Variants in PYGB observed in about 807,000 individuals in gnomAD.
The protein encoded by PYGB is glycogen phosphorylase B, also known as glycogen phosphorylase, brain form.
Under a neutral mutation model 94.3 loss-of-function variants are expected in PYGB, and 82 were observed. That is an observed-to-expected ratio of 0.87 (90% CI 0.73 to 1.04). PYGB has a LOEUF of 1.04. PYGB is among the 50% of genes least tolerant of loss of function. PYGB has a pLI of 0.00. For missense variants in PYGB, 1,132 were observed against 1,158.2 expected, an observed-to-expected ratio of 0.98 and a Z score of 0.33; for synonymous variants, 488 against 479.1, an observed-to-expected ratio of 1.02 and a Z score of -0.24.
At chr20:25,293,126 TC>T (rs1301255491) in intron 17 of PYGB, among the ~76,000 whole-genome samples, 5 of 1,592 alleles carry the variant, frequency 3.1e-3, no homozygotes, top group African/African-American at 0.022. Flanking sequence ...TAGGCCAGGG[TC>T]GGGGGGGGTG....
Position 25,294,266 on chromosome 20 carries a change from C to T in PYGB, c.2286C>T (p.Ile762=), listed in dbSNP as rs199570469. 3.0e-5 allele frequency: 42 copies of T among 1,396,018 alleles called. No homozygotes were observed. Among genetic ancestry groups the T allele is most frequent in the Middle Eastern group, 2.0e-4 (1 of 4,998 alleles). The allele number at this position is 1,396,018 out of a possible 1,614,324, so 86.5% of individuals were successfully genotyped here. A position where few individuals can be genotyped will look rare whatever the true frequency, so the allele number is the denominator to read the frequency against. ...AGGAGCCAGACTGCTTCAAGGACAT[C>T]GTGAACATGCTGATGCACCATGACA... is the stretch of plus-strand genomic sequence containing the variant. ...SPKEPDCFKD[I]VNMLMHHDRF... The change falls in exon 18 of 20, where the codon ATC becomes ATT. Residue 762 remains isoleucine (I), a synonymous_variant. Transcript: ENST00000216962.
intron 17 of PYGB, 72 bp from the exon 18 acceptor site, chr20:25,294,086 C>T: frequency 1.3e-6 from 2 of 1,577,370 alleles, no homozygotes; most frequent in South Asian, 2.3e-5. Context: ...GTGCCAGGCA[C>T]CAACATGGCT....
At position 25,296,591 on chromosome 20, in the gene PYGB, C is replaced by A; in HGVS notation, c.*69C>A. 3 of 1,538,744 alleles carry A rather than the reference C, an allele frequency of 1.9e-6. No individual in the cohort carries two copies. The highest frequency in any genetic ancestry group is 2.6e-6 in the Non-Finnish European group (3 of 1,141,656). On this transcript the variant is annotated 3_prime_UTR_variant, in exon 20 of 20. Transcript: ENST00000216962. ...CTGACTTTGCACCTCCTTTTTTCCCCAAACACTTTGCCAGCCACTGGTGGT... is the reference window on the plus strand; with the variant it reads ...CTGACTTTGCACCTCCTTTTTTCCCAAAACACTTTGCCAGCCACTGGTGGT...
chr20:25,249,810 A>G (rs2092882445), intron 1 of PYGB, among the ~76,000 whole-genome samples: 2 of 151,948 alleles, frequency 1.3e-5, no homozygotes, highest in South Asian at 2.1e-4. Flanking sequence ...TGGCTCCCCC[A>G]GAATTCCCTG....
chr20:25,279,049 A>T lies in PYGB; in HGVS notation c.1000-8A>T, dbSNP rs200513857. 3.1e-6 allele frequency: 5 copies of T among 1,608,592 alleles called. No individual in the cohort carries two copies. The highest frequency in any genetic ancestry group is 4.3e-6 in the Non-Finnish European group (5 of 1,175,872). On this transcript the variant is annotated splice_region_variant and splice_polypyrimidine_tract_variant and intron_variant, in intron 8 of 19. Coordinates refer to ENST00000216962, the MANE Select transcript of PYGB (RefSeq NM_002862.4). ...ATGACTGAATGGCACCCCTTGTGCG[A>T]CCTTCAGGTGGCCATCCAGCTGAAC...
At chr20:25,293,355 T>C (rs1448452444) in intron 17 of PYGB, among the ~76,000 whole-genome samples, 2 of 152,184 alleles carry the variant, frequency 1.3e-5, no homozygotes. Context: ...CACTCCACTG[T>C]GTGTGGCCGT....
At chr20:25,279,617 C>T (rs1284839372) in intron 9 of PYGB, among the ~76,000 whole-genome samples, 3 of 152,112 alleles carry the variant, frequency 2.0e-5, no homozygotes, top group Non-Finnish European at 2.9e-5. Context: ...CCTAGTGCTT[C>T]GGGAAGCCAA....
chr20:25,249,605 T>G (rs1283003676), intron 1 of PYGB, among the ~76,000 whole-genome samples: 1 of 152,242 alleles, frequency 6.6e-6, no homozygotes, highest in African/African-American at 2.4e-5. Flanking sequence ...TGCTAAGAGA[T>G]TGACTGCTTT....
chr20:25,294,108 G>A (rs1568700736), intron 17 of PYGB, 50 bp from the exon 18 acceptor site: 1 of 1,599,794 alleles, frequency 6.3e-7, no homozygotes. Flanking sequence ...GTTCTCCAAG[G>A]TGGCCCACCT....
intron 2 of PYGB, among the ~76,000 whole-genome samples, chr20:25,261,862 C>G (rs922696565): frequency 3.3e-5 from 5 of 152,118 alleles, no homozygotes; most frequent in Admixed American, 2.6e-4. Context: ...ATTCGATCAA[C>G]TGGAAAAAAG....
At position 25,294,207 on chromosome 20, in the gene PYGB, G is replaced by A. The variant is rs200955420; in HGVS notation, c.2227G>A (p.Val743Met). The A allele has an allele frequency of 4.8e-5, 77 of 1,613,874 alleles. No individual in the cohort carries two copies. Among genetic ancestry groups the A allele is most frequent in the African/African-American group, 9.3e-5 (7 of 74,916 alleles). ...CCACCTGCCCGAGCTGAAGCAGGCC[G>A]TGGACCAGATCAGCAGTGGCTTTTT... ...YDHLPELKQA[V>M]DQISSGFFSP... The change falls in exon 18 of 20, where the codon GTG becomes ATG. Residue 743 changes from valine (V) to methionine (M), a missense_variant. Physicochemically the swap from Val to Met is conservative, Grantham distance 21. Transcript: ENST00000216962.
At chr20:25,250,442 C>T (rs1316556280) in intron 1 of PYGB, among the ~76,000 whole-genome samples, 1 of 152,150 alleles carries the variant, frequency 6.6e-6, no homozygotes, top group East Asian at 1.9e-4. Flanking sequence ...TCTCTTAAAC[C>T]GCACAGTCTG....
Position 25,295,646 on chromosome 20 carries a change from G to A in PYGB, c.2355G>A (p.Gln785=), listed in dbSNP as rs370255848. 1.1e-5 allele frequency: 17 copies of A among 1,613,976 alleles called. No individual in the cohort carries two copies. The highest frequency in any genetic ancestry group is 1.4e-5 in the Non-Finnish European group (17 of 1,180,000). The part of the protein sequence containing the change: ...FADYEAYMQC[Q]AQVDQLYRNP... ...ACTATGAAGCCTACATGCAGTGCCA[G>A]GCACAGGTGGACCAGCTGTACCGGG... The change falls in exon 19 of 20, where the codon CAG becomes CAA. Residue 785 remains glutamine, a synonymous_variant. Coordinates refer to ENST00000216962, the MANE Select transcript of PYGB (RefSeq NM_002862.4).
At chr20:25,280,161 A>C in intron 9 of PYGB, 105 bp from the exon 10 acceptor site, 1 of 1,379,524 alleles carries the variant, frequency 7.2e-7, no homozygotes, top group East Asian at 2.3e-5. Context: ...TTCCTGGGGT[A>C]CCCAGCATCT....
At chr20:25,268,681 C>T (rs549451239) in intron 2 of PYGB, among the ~76,000 whole-genome samples, 69 of 152,280 alleles carry the variant, frequency 4.5e-4, no homozygotes, top group African/African-American at 1.6e-3. Context: ...AGTTTGGCTT[C>T]TGGAATGGCT....
chr20:25,288,645 G>A (rs2088439708), intron 15 of PYGB, 162 bp downstream of exon 15: 2 of 799,736 alleles, frequency 2.5e-6, no homozygotes, highest in African/African-American at 3.5e-5. Flanking sequence ...GGACCCTGTA[G>A]AGAGTCAGAA....
At chr20:25,263,448 G>A (rs1329498322) in intron 2 of PYGB, among the ~76,000 whole-genome samples, 1 of 152,086 alleles carries the variant, frequency 6.6e-6, no homozygotes, top group Admixed American at 6.5e-5. Context: ...AACTGAAGGA[G>A]ATAGAGACAC....
chr20:25,294,082 G>T, intron 17 of PYGB, 76 bp from the exon 18 acceptor site: 1 of 1,569,120 alleles, frequency 6.4e-7, no homozygotes. Context: ...GGCTGTGCCA[G>T]GCACCAACAT....
intron 14 of PYGB, among the ~76,000 whole-genome samples, chr20:25,286,044 G>A (rs1156526249): frequency 6.6e-6 from 1 of 152,192 alleles, no homozygotes; most frequent in African/African-American, 2.4e-5. Context: ...GCACTGTCTG[G>A]AGGGTGGGTG....
Sources: allele counts gnomAD v4.1 joint callset (sites outside exome capture counted in the v4.1 genomes callset), GRCh38; gene constraint gnomAD v4.1.1; transcripts MANE v1.5; gene names NCBI Gene and HGNC (gene_info 2026-07-23, HGNC 2026-07-21).